TASP1: variants seen among roughly 807,000 people sequenced by gnomAD.
The protein encoded by TASP1 is threonine aspartase 1.
In TASP1, 16 loss-of-function variants were observed where a neutral mutation model predicts 56.6. That is an observed-to-expected ratio of 0.28 (90% CI 0.19 to 0.43). The LOEUF (loss-of-function observed/expected upper bound fraction) is 0.43. TASP1 is among the 20% of genes least tolerant of loss of function. TASP1 has a pLI of 1.00. For synonymous variants in TASP1, 179 were observed against 184.2 expected (o/e 0.97, Z 0.23); for missense variants, 393 against 511.6 (o/e 0.77, Z 2.24).
the TASP1 span, among the ~76,000 whole-genome samples, chr20:13,384,009 A>T: frequency 1.3e-5 from 2 of 152,200 alleles, no homozygotes; most frequent in Admixed American, 1.3e-4. Context: ...GGGTGGAAAG[A>T]TTAAAATCTT....
At chr20:13,127,086 A>AT in the TASP1 span, among the ~76,000 whole-genome samples, 8 of 152,214 alleles carry the variant, frequency 5.3e-5, no homozygotes, top group African/African-American at 1.9e-4. Context: ...CCAATTTAAT[A>AT]TCCAATTTTT....
chr20:13,198,839 TTTCTTTCTTTCTTTCTTTCC>T, the TASP1 span, among the ~76,000 whole-genome samples: 338 of 137,466 alleles, frequency 2.5e-3, 1 homozygote, highest in Non-Finnish European at 4.5e-3. Flanking sequence ...TCTTTCTTTC[TTTCTTTCTTTCTTTCTTTCC>T]TTCCTTCCTT....
intron 12 of TASP1, among the ~76,000 whole-genome samples, chr20:13,417,899 C>A (rs984067650): frequency 6.6e-6 from 1 of 152,172 alleles, no homozygotes; most frequent in African/African-American, 2.4e-5. Flanking sequence ...CACACATACA[C>A]ACACACCAGG....
chr20:13,164,820 G>T, the TASP1 span: 2 of 1,613,816 alleles, frequency 1.2e-6, no homozygotes, highest in Non-Finnish European at 8.5e-7. Context: ...CAAGAAGTCA[G>T]CACGTCCTGA....
intron 6 of TASP1, among the ~76,000 whole-genome samples, chr20:13,578,868 TATCCATTAAGTAC>T (rs1242883383): frequency 6.6e-6 from 1 of 152,224 alleles, no homozygotes; most frequent in African/African-American, 2.4e-5. Context: ...AGTATCATGC[TATCCATTAAGTAC>T]ATCCAACTCT....
chr20:13,146,887 A>G, the TASP1 span, among the ~76,000 whole-genome samples: 1 of 152,194 alleles, frequency 6.6e-6, no homozygotes, highest in Non-Finnish European at 1.5e-5. Context: ...GGCACTGCCA[A>G]TTTCCAGGTC....
At chr20:13,373,629 A>T in the TASP1 span, among the ~76,000 whole-genome samples, 4 of 151,894 alleles carry the variant, frequency 2.6e-5, no homozygotes, top group African/African-American at 7.3e-5. Context: ...TGTTCATTTT[A>T]TTGGGGTTCC....
chr20:13,453,891 A>G (rs888187504), intron 11 of TASP1, among the ~76,000 whole-genome samples: 6 of 152,042 alleles, frequency 3.9e-5, no homozygotes, highest in African/African-American at 1.2e-4. Flanking sequence ...AGAGGAACCC[A>G]CCACTGCATG....
the TASP1 span, among the ~76,000 whole-genome samples, chr20:13,141,800 T>G: frequency 1.3e-5 from 2 of 152,234 alleles, no homozygotes; most frequent in Non-Finnish European, 2.9e-5. Flanking sequence ...TATGCTCCAC[T>G]GGCTTTCAAC....
intron 4 of TASP1, among the ~76,000 whole-genome samples, chr20:13,588,238 A>AAAGG (rs2047378444): frequency 1.5e-5 from 2 of 136,578 alleles, no homozygotes; most frequent in Non-Finnish European, 3.1e-5. Context: ...AAGGAGAAAG[A>AAAGG]AAGAAAGGAA....
the TASP1 span, among the ~76,000 whole-genome samples, chr20:13,176,676 C>T: frequency 3.3e-5 from 5 of 151,750 alleles, no homozygotes; most frequent in Non-Finnish European, 5.9e-5. Context: ...TTTGTTGTGT[C>T]CTTGTCTGAT....
chr20:13,398,684 G>A (rs764960606), intron 13 of TASP1, among the ~76,000 whole-genome samples: 36 of 152,138 alleles, frequency 2.4e-4, no homozygotes, highest in Admixed American at 3.9e-4. Context: ...GCAACTAAAT[G>A]TTGGAATGTC....
chr20:13,111,724 C>T, the TASP1 span, among the ~76,000 whole-genome samples: 1 of 152,168 alleles, frequency 6.6e-6, no homozygotes, highest in Non-Finnish European at 1.5e-5. Flanking sequence ...CGTGGGAACA[C>T]AGATCAGCTG....
the TASP1 span, among the ~76,000 whole-genome samples, chr20:13,329,385 T>C: frequency 6.6e-6 from 1 of 152,232 alleles, no homozygotes; most frequent in South Asian, 2.1e-4. Context: ...AAGACAGCCA[T>C]CTACGAATCA....
At chr20:13,362,225 T>C in the TASP1 span, among the ~76,000 whole-genome samples, 5 of 151,026 alleles carry the variant, frequency 3.3e-5, 1 homozygote, top group South Asian at 1.0e-3. Flanking sequence ...CTTATTAATA[T>C]AAGAAGGCAG....
the TASP1 span, among the ~76,000 whole-genome samples, chr20:13,229,207 G>T: frequency 6.6e-6 from 1 of 150,938 alleles, no homozygotes; most frequent in Non-Finnish European, 1.5e-5. Context: ...CAATAAAATG[G>T]ATGAATCTTA....
chr20:13,127,919 T>A, the TASP1 span, among the ~76,000 whole-genome samples: 1 of 150,948 alleles, frequency 6.6e-6, no homozygotes, highest in South Asian at 2.1e-4. Context: ...AGGAAGCCCT[T>A]ATGGTATGAG....
At chr20:13,283,720 G>T in the TASP1 span, among the ~76,000 whole-genome samples, 3 of 152,180 alleles carry the variant, frequency 2.0e-5, no homozygotes, top group Non-Finnish European at 2.9e-5. Context: ...TCTAACAGTA[G>T]TATACCATTT....
intron 6 of TASP1, among the ~76,000 whole-genome samples, chr20:13,576,337 GAAA>G (rs1388978376): frequency 3.8e-5 from 5 of 131,090 alleles, no homozygotes; most frequent in South Asian, 2.6e-4. Flanking sequence ...GAGAAAGAAA[GAAA>G]GGAAGAAAGA....
Sources: allele counts gnomAD v4.1 joint callset (sites outside exome capture counted in the v4.1 genomes callset), GRCh38; gene constraint gnomAD v4.1.1; transcripts MANE v1.5; gene names NCBI Gene and HGNC (gene_info 2026-07-23, HGNC 2026-07-21).